ASTN2: variants seen among roughly 807,000 people sequenced by gnomAD.
The protein encoded by ASTN2 is astrotactin 2, also known as astrotactin-2.
ASTN2 carries 54 observed loss-of-function variants against 139.8 expected under a neutral mutation model. The ratio of observed to expected loss-of-function variants is 0.39; its 90% CI spans 0.31 to 0.48. The LOEUF (loss-of-function observed/expected upper bound fraction) is 0.48, where lower values mean the gene tolerates loss of function less well. Ranked by LOEUF, ASTN2 falls within the 20% of genes least tolerant of loss-of-function variation. The probability of loss-of-function intolerance (pLI) is 0.95; values close to 1 mark genes in which losing one functional copy is unlikely to be tolerated. For synonymous variants in ASTN2, 756 were observed against 719.5 expected (o/e 1.05, Z -0.81); for missense variants, 1,565 against 1,725.1 (o/e 0.91, Z 1.64).
chr9:116,481,174 G>A (rs1382922556), intron 20 of ASTN2, among the ~76,000 whole-genome samples: 1 of 152,142 alleles, frequency 6.6e-6, no homozygotes, highest in East Asian at 1.9e-4. Flanking sequence ...AATGGCTTGA[G>A]CTCGAGACCA....
chr9:117,179,134 G>A (rs1182334236), intron 3 of ASTN2, among the ~76,000 whole-genome samples: 2 of 152,102 alleles, frequency 1.3e-5, no homozygotes, highest in African/African-American at 4.8e-5. Flanking sequence ...GGCTTACTAT[G>A]TGCCAGGAAA....
intron 3 of ASTN2, among the ~76,000 whole-genome samples, chr9:117,147,490 C>T (rs1292080085): frequency 6.6e-6 from 1 of 151,946 alleles, no homozygotes; most frequent in East Asian, 1.9e-4. Context: ...TTCTCTTCCC[C>T]CACGCAACCA....
At chr9:116,884,625 T>C (rs1274189039) in intron 10 of ASTN2, among the ~76,000 whole-genome samples, 3 of 152,050 alleles carry the variant, frequency 2.0e-5, no homozygotes, top group Admixed American at 2.0e-4. Flanking sequence ...TGGGCCAAGA[T>C]CGTGCCACTG....
intron 16 of ASTN2, among the ~76,000 whole-genome samples, chr9:116,715,860 C>T (rs192045369): frequency 6.6e-6 from 1 of 152,150 alleles, no homozygotes; most frequent in East Asian, 1.9e-4. Context: ...AAGAACAGGG[C>T]CCCCTGGGGT....
At chr9:116,668,476 G>A (rs1181277317) in intron 16 of ASTN2, among the ~76,000 whole-genome samples, 1 of 152,224 alleles carries the variant, frequency 6.6e-6, no homozygotes, top group African/African-American at 2.4e-5. Flanking sequence ...ATAGGCATAA[G>A]CCACCATGCC....
intron 4 of ASTN2, among the ~76,000 whole-genome samples, chr9:117,117,417 T>C: frequency 6.9e-6 from 1 of 145,828 alleles, no homozygotes. Context: ...AAAACGCAAC[T>C]CCACTAATAC....
At chr9:116,620,238 A>G in intron 18 of ASTN2, 72 bp downstream of exon 18, 1 of 1,605,800 alleles carries the variant, frequency 6.2e-7, no homozygotes, top group Non-Finnish European at 8.5e-7. Flanking sequence ...AAGTCATGGC[A>G]TGGGCTGGCA....
chr9:117,256,231 G>A (rs1205197421), intron 2 of ASTN2, among the ~76,000 whole-genome samples: 1 of 152,100 alleles, frequency 6.6e-6, no homozygotes, highest in Non-Finnish European at 1.5e-5. Context: ...CTCCTCCTAT[G>A]CTTTCCAGAG....
chr9:117,034,496 C>A (rs1452979348), intron 6 of ASTN2, among the ~76,000 whole-genome samples: 4 of 151,976 alleles, frequency 2.6e-5, no homozygotes, highest in Non-Finnish European at 5.9e-5. Flanking sequence ...AACCAAAGAC[C>A]CTTATTAAAG....
At chr9:116,732,492 C>T (rs1828812234) in intron 14 of ASTN2, among the ~76,000 whole-genome samples, 1 of 152,140 alleles carries the variant, frequency 6.6e-6, no homozygotes, top group Non-Finnish European at 1.5e-5. Context: ...GAACAATTCC[C>T]CTCTCAGTGA....
chr9:117,412,012 C>A (rs1353488591), intron 1 of ASTN2, among the ~76,000 whole-genome samples: 2 of 149,976 alleles, frequency 1.3e-5, no homozygotes, highest in Non-Finnish European at 3.0e-5. Context: ...ACCCCTCCCC[C>A]CCCCAACCCC....
chr9:117,161,262 A>G (rs538875298), intron 3 of ASTN2, among the ~76,000 whole-genome samples: 1 of 152,202 alleles, frequency 6.6e-6, no homozygotes, highest in East Asian at 1.9e-4. Flanking sequence ...GGAACACAAA[A>G]ATAACTCTTG....
At position 117,241,933 on chromosome 9, in the gene ASTN2, CA is replaced by C. The variant is rs1157690144; in HGVS notation, c.631-27192del. Among the ~76,000 whole-genome samples, 868 of 147,240 alleles carry C rather than the reference CA, an allele frequency of 5.9e-3. 10 individuals carry two copies. The highest frequency in any genetic ancestry group is 0.02 in the African/African-American group (810 of 40,006). On this transcript the variant is annotated intron_variant, in intron 2 of 22. Coordinates refer to ENST00000313400, the MANE Select transcript of ASTN2 (RefSeq NM_001365068.1). ...GTAGAACGTGCAAGTTACCCCCCCC[CA>C]CACACACACACACCACACACCCCTA... is the stretch of plus-strand genomic sequence containing the variant.
chr9:117,192,586 C>CTA (rs766483618), intron 3 of ASTN2, among the ~76,000 whole-genome samples: 74 of 152,292 alleles, frequency 4.9e-4, no homozygotes, highest in Non-Finnish European at 9.7e-4. Flanking sequence ...TCTCCCCATG[C>CTA]TATACCATTT....
intron 20 of ASTN2, among the ~76,000 whole-genome samples, chr9:116,451,129 T>A (rs1848160235): frequency 6.6e-6 from 1 of 152,118 alleles, no homozygotes; most frequent in South Asian, 2.1e-4. Flanking sequence ...CAGTGTTGGT[T>A]CTAAGCTCAG....
At chr9:117,098,571 TCCCCAATC>T (rs2132759353) in intron 4 of ASTN2, among the ~76,000 whole-genome samples, 1 of 152,120 alleles carries the variant, frequency 6.6e-6, no homozygotes, top group African/African-American at 2.4e-5. Flanking sequence ...AGTGCACACT[TCCCCAATC>T]CCCAGCAACT....
intron 1 of ASTN2, among the ~76,000 whole-genome samples, chr9:117,305,883 G>A (rs1324286470): frequency 6.6e-6 from 1 of 152,194 alleles, no homozygotes; most frequent in African/African-American, 2.4e-5. Flanking sequence ...GCACATGTCT[G>A]TGCTCAATAA....
intron 11 of ASTN2, among the ~76,000 whole-genome samples, chr9:116,838,060 A>G (rs1432814024): frequency 6.6e-6 from 1 of 151,464 alleles, no homozygotes; most frequent in African/African-American, 2.4e-5. Flanking sequence ...ATGCATGTGA[A>G]TGGCTCTCCA....
chr9:117,085,792 C>T (rs1000334497), intron 5 of ASTN2, among the ~76,000 whole-genome samples: 4 of 152,162 alleles, frequency 2.6e-5, no homozygotes, highest in Admixed American at 6.5e-5. Flanking sequence ...ACATGGGTAT[C>T]CTCTTCCTGT....
Sources: gnomAD v4.1 joint callset for allele counts (sites outside exome capture counted in the v4.1 genomes callset) on GRCh38, gnomAD v4.1.1 for gene constraint, MANE v1.5 for transcripts, NCBI Gene and HGNC (gene_info 2026-07-23, HGNC 2026-07-21) for gene names.